The following SLC25A12 variants were observed in gnomAD, a reference collection of about 807,000 sequenced individuals.
SLC25A12 encodes the protein electrogenic aspartate/glutamate antiporter SLC25A12, mitochondrial.
A neutral mutation model predicts 83.3 loss-of-function variants in SLC25A12; 32 were observed. That is an observed-to-expected ratio of 0.38 (90% CI 0.29 to 0.52). The LOEUF is 0.52. Among genes scored for constraint, SLC25A12 ranks in the 20% least tolerant of loss-of-function variants. The pLI, the probability that SLC25A12 is intolerant of heterozygous loss-of-function variation, is 0.84. For synonymous variants in SLC25A12, 267 were observed against 291.1 expected (o/e 0.92, Z 0.84); for missense variants, 611 against 835.6 (o/e 0.73, Z 3.31).
At chr2:171,886,324 G>A (rs917340648) in intron 2 of SLC25A12, among the ~76,000 whole-genome samples, 4 of 149,270 alleles carry the variant, frequency 2.7e-5, no homozygotes, top group African/African-American at 9.9e-5. Context: ...AACCTCCTAG[G>A]CTTAGGTGAT....
intron 2 of SLC25A12, among the ~76,000 whole-genome samples, chr2:171,891,424 T>TC (rs1685934990): frequency 6.6e-6 from 1 of 152,170 alleles, no homozygotes; most frequent in South Asian, 2.1e-4. Flanking sequence ...TATATTTTTT[T>TC]CCCATAGAAT....
At chr2:171,875,485 G>C (rs1341291817) in intron 2 of SLC25A12, among the ~76,000 whole-genome samples, 5 of 152,054 alleles carry the variant, frequency 3.3e-5, no homozygotes, top group Non-Finnish European at 7.4e-5. Context: ...ATAGATACTG[G>C]GGACTATTAG....
At chr2:171,797,477 G>T (rs1037030163) in intron 13 of SLC25A12, among the ~76,000 whole-genome samples, 7 of 152,198 alleles carry the variant, frequency 4.6e-5, no homozygotes, top group African/African-American at 1.7e-4. Flanking sequence ...CTGAATAGCT[G>T]GGAGAAATAA....
At chr2:171,891,199 G>A (rs186409391) in intron 2 of SLC25A12, among the ~76,000 whole-genome samples, 7 of 151,852 alleles carry the variant, frequency 4.6e-5, no homozygotes, top group Admixed American at 2.0e-4. Flanking sequence ...CCAGCTACTC[G>A]GAGGCAAGAG....
intron 2 of SLC25A12, among the ~76,000 whole-genome samples, chr2:171,877,402 C>G (rs1685593765): frequency 6.6e-6 from 1 of 152,038 alleles, no homozygotes; most frequent in Non-Finnish European, 1.5e-5. Flanking sequence ...CACGGTGGCT[C>G]ACACCTGTAA....
At chr2:171,815,267 A>G (rs549491279) in intron 9 of SLC25A12, 65 bp from the exon 10 acceptor site, 83 of 1,106,620 alleles carry the variant, frequency 7.5e-5, no homozygotes, top group Admixed American at 5.8e-4. Context: ...AAAAGCTACA[A>G]TTTGACTATT....
intron 17 of SLC25A12, among the ~76,000 whole-genome samples, chr2:171,786,403 A>AAGAG (rs1198385556): frequency 1.2e-4 from 18 of 146,440 alleles, no homozygotes; most frequent in African/African-American, 4.3e-4. Context: ...AAAAAAAAAA[A>AAGAG]AGAGAGAGAG....
intron 9 of SLC25A12, among the ~76,000 whole-genome samples, chr2:171,824,679 A>AC (rs1196658864): frequency 3.1e-5 from 3 of 95,484 alleles, no homozygotes; most frequent in Non-Finnish European, 2.6e-5. Context: ...TAATTTTATT[A>AC]AAAATTTTTC....
chr2:171,894,139 C>G, intron 1 of SLC25A12, 64 bp downstream of exon 1: 12 of 1,576,218 alleles, frequency 7.6e-6, no homozygotes, highest in Non-Finnish European at 9.5e-6. Flanking sequence ...CAGTGGGGGG[C>G]TGCAGGCAGG....
intron 4 of SLC25A12, among the ~76,000 whole-genome samples, chr2:171,849,488 T>C (rs889228977): frequency 1.3e-5 from 2 of 151,986 alleles, no homozygotes; most frequent in African/African-American, 4.8e-5. Context: ...ATATATTTAT[T>C]ATCATAGAAT....
At chr2:171,788,274 T>C (rs1690527143) in intron 15 of SLC25A12, 1 of 237,092 alleles carries the variant, frequency 4.2e-6, no homozygotes, top group Admixed American at 5.1e-5. Context: ...TCAATTATTT[T>C]ACCTCCTTTT....
At chr2:171,798,364 G>A (rs1276585278) in intron 13 of SLC25A12, among the ~76,000 whole-genome samples, 1 of 152,202 alleles carries the variant, frequency 6.6e-6, no homozygotes, top group African/African-American at 2.4e-5. Flanking sequence ...TCACAAAGAG[G>A]TTGGAGGCTG....
chr2:171,808,939 G>A (rs533458192), intron 13 of SLC25A12, among the ~76,000 whole-genome samples: 26 of 149,398 alleles, frequency 1.7e-4, no homozygotes, highest in African/African-American at 6.4e-4. Flanking sequence ...CCACCTATGA[G>A]TGAGAACATG....
intron 13 of SLC25A12, 99 bp downstream of exon 13, chr2:171,809,507 T>C (rs1683907195): frequency 1.1e-6 from 1 of 923,290 alleles, no homozygotes; most frequent in Admixed American, 1.7e-5. Context: ...TTAGAATCCC[T>C]TGAGTTCAAG....
At chr2:171,819,986 G>GT (rs1254276852) in intron 9 of SLC25A12, among the ~76,000 whole-genome samples, 1 of 152,096 alleles carries the variant, frequency 6.6e-6, no homozygotes, top group African/African-American at 2.4e-5. Context: ...GCCAAATACC[G>GT]TATGTTCTCA....
intron 4 of SLC25A12, among the ~76,000 whole-genome samples, chr2:171,849,690 G>A (rs1220719100): frequency 2.0e-5 from 3 of 151,564 alleles, no homozygotes; most frequent in Non-Finnish European, 4.4e-5. Context: ...CAAGTAGCTG[G>A]GACTACAGGC....
chr2:171,788,604 T>A (rs913295831), intron 15 of SLC25A12: 2 of 152,920 alleles, frequency 1.3e-5, no homozygotes, highest in African/African-American at 4.8e-5. Context: ...CATGTTGAGA[T>A]TGATCAGCAG....
intron 3 of SLC25A12, among the ~76,000 whole-genome samples, chr2:171,856,314 T>C (rs1479693059): frequency 6.6e-6 from 1 of 152,188 alleles, no homozygotes; most frequent in Non-Finnish European, 1.5e-5. Context: ...CTGTGCTTTG[T>C]AGCATGTTTA....
intron 4 of SLC25A12, among the ~76,000 whole-genome samples, chr2:171,848,724 G>A (rs1228992737): frequency 6.6e-6 from 1 of 152,194 alleles, no homozygotes; most frequent in Non-Finnish European, 1.5e-5. Context: ...AGACTTCTGG[G>A]TTCTCCTCTC....
Sources: gnomAD v4.1 joint callset for allele counts (sites outside exome capture counted in the v4.1 genomes callset) on GRCh38, gnomAD v4.1.1 for gene constraint, MANE v1.5 for transcripts, NCBI Gene and HGNC (gene_info 2026-07-23, HGNC 2026-07-21) for gene names.